KNG1: variants seen among roughly 807,000 people sequenced by gnomAD.
The protein encoded by KNG1 is kininogen 1.
A neutral mutation model predicts 47.8 loss-of-function variants in KNG1; 23 were observed. The ratio of observed to expected loss-of-function variants is 0.48; its 90% CI spans 0.35 to 0.68. KNG1 has a LOEUF of 0.68. Among genes scored for constraint, KNG1 ranks in the 30% least tolerant of loss-of-function variants. The pLI, the probability that KNG1 is intolerant of heterozygous loss-of-function variation, is 0.01. For missense variants in KNG1, 762 were observed against 790.2 expected (o/e 0.96, Z 0.43); for synonymous variants, 277 against 277.0 (o/e 1.00, Z 0.00).
chr3:186,741,373 CT>C (rs1720806110), intron 9 of KNG1, 148 bp from the exon 10 acceptor site: 2 of 655,382 alleles, frequency 3.1e-6, no homozygotes, highest in Non-Finnish European at 5.0e-6. Context: ...ATTATTCATC[CT>C]TTCTGGAATG....
chr3:186,731,139 T>C lies in KNG1; in HGVS notation c.673-406T>C, dbSNP rs5030103. Among the ~76,000 whole-genome samples, 1,273 of 152,336 alleles carry C rather than the reference T, an allele frequency of 8.4e-3. 10 individuals are homozygous for C. Among genetic ancestry groups the C allele is most frequent in the Middle Eastern group, 0.024 (7 of 294 alleles). On this transcript the variant is annotated intron_variant, in intron 5 of 9. Transcript: ENST00000644859. ...CTAATACTGTAGTTCCTGCTACGTTTATATTTGTCTCACGTAGCTTTGTTC... is the reference window on the plus strand; with the variant it reads ...CTAATACTGTAGTTCCTGCTACGTTCATATTTGTCTCACGTAGCTTTGTTC...
At position 186,722,430 on chromosome 3, in the gene KNG1, T is replaced by C; in HGVS notation, c.307-7T>C. On this transcript the variant is annotated splice_polypyrimidine_tract_variant and splice_region_variant and intron_variant, in intron 2 of 9. Transcript: ENST00000644859. Reference sequence around the variant, plus strand: ...TAAGATAAATGATCTCTTTCTTTTCTTTTTAGGCCACTGGAGAATGCACGG... The same window carrying C: ...TAAGATAAATGATCTCTTTCTTTTCCTTTTAGGCCACTGGAGAATGCACGG... The C allele has an allele frequency of 1.2e-6, 2 of 1,609,144 alleles. No homozygotes were observed. Among genetic ancestry groups the C allele is most frequent in the Non-Finnish European group, 1.7e-6 (2 of 1,175,612 alleles).
intron 4 of KNG1, among the ~76,000 whole-genome samples, chr3:186,725,896 AG>A (rs63499661): frequency 0.53 from 78,725 of 147,270 alleles, 21,225 homozygotes; most frequent in Middle Eastern, 0.62. Flanking sequence ...GTACCCACTA[AG>A]TTACAGTTCC....
chr3:186,732,762 G>A (rs985794528), intron 7 of KNG1, 88 bp downstream of exon 7: 16 of 1,030,328 alleles, frequency 1.6e-5, no homozygotes, highest in Non-Finnish European at 2.3e-5. Context: ...GCTCTGGATT[G>A]GGAAACCATA....
At chr3:186,718,717 T>C (rs1326452949) in intron 1 of KNG1, 2 of 152,014 alleles carry the variant, frequency 1.3e-5, no homozygotes, top group African/African-American at 2.4e-5. Flanking sequence ...AAACCTTTAA[T>C]GGGAGGGGGT....
intron 7 of KNG1, among the ~76,000 whole-genome samples, chr3:186,738,004 C>A (rs1231022612): frequency 6.6e-6 from 1 of 152,002 alleles, no homozygotes; most frequent in Admixed American, 6.6e-5. Context: ...GAGACAGAGT[C>A]TCACTCTGTC....
At position 186,742,644 on chromosome 3, in the gene KNG1, A is replaced by C. The variant is rs1297924598; in HGVS notation, c.*313A>C. The C allele has an allele frequency of 8.8e-7, 1 of 1,132,190 alleles. No homozygotes were observed. Among genetic ancestry groups the C allele is most frequent in the African/African-American group, 1.6e-5 (1 of 62,258 alleles). The allele number at this position is 1,132,190 out of a possible 1,614,324, so 70.1% of individuals were successfully genotyped here. A position where few individuals can be genotyped will look rare whatever the true frequency, so the allele number is the denominator to read the frequency against. ...CTCTGATAACAAATATGTACCTTAC[A>C]ACATATGTCATGAATTTGCATACAA... On this transcript the variant is annotated 3_prime_UTR_variant, in exon 10 of 10. Transcript: ENST00000644859.
Position 186,733,242 on chromosome 3 carries a change from C to CTAAA in KNG1, c.930+595_930+598dup, listed in dbSNP as rs10576660. ...GCCTGGCAACAGAGCGAGACTCTGT[C>CTAAA]TAAATAAATAAATAAATAAATAAAT... On this transcript the variant is annotated intron_variant, in intron 7 of 9. Coordinates refer to ENST00000644859, the MANE Select transcript of KNG1 (RefSeq NM_001102416.3). 9.4e-3 allele frequency among the ~76,000 whole-genome samples: 1,415 copies of CTAAA among 150,390 alleles called. 15 individuals are homozygous for CTAAA. The highest frequency in any genetic ancestry group is 0.021 in the South Asian group (98 of 4,746).
chr3:186,739,284 G>C (rs371267755), intron 8 of KNG1, 44 bp from the exon 9 acceptor site: 1 of 1,578,860 alleles, frequency 6.3e-7, no homozygotes, highest in Non-Finnish European at 8.7e-7. Flanking sequence ...TAAATGTCTC[G>C]TGAATAACAC....
chr3:186,727,045 T>TGTGA (rs1464985590), intron 4 of KNG1, among the ~76,000 whole-genome samples, 192 bp from the exon 5 acceptor site: 1 of 151,768 alleles, frequency 6.6e-6, no homozygotes, highest in Middle Eastern at 3.2e-3. Context: ...TGTGTGTTTG[T>TGTGA]GTGAGAGATA....
chr3:186,735,956 T>A (rs1720662198), intron 7 of KNG1: 1 of 152,216 alleles, frequency 6.6e-6, no homozygotes, highest in African/African-American at 2.4e-5. Flanking sequence ...TTATTCTTTA[T>A]TCTGAATGTT....
rs1184307497 is a variant in KNG1, at chr3:186,732,655, T to A, written c.911T>A (p.Val304Glu). 3.1e-6 allele frequency: 5 copies of A among 1,613,776 alleles called. No individual in the cohort carries two copies. The African/African-American group carries it at 5.3e-5, about 17-fold the overall frequency. ...NATFYFKIDN[V>E]KKARVQVVAG... ...ACTTTCTATTTCAAGATTGACAATG[T>A]GAAAAAAGCAAGAGTACAGGTGTGT... is the stretch of plus-strand genomic sequence containing the variant. The change falls in exon 7 of 10, where the codon GTG (valine) becomes GAG (glutamate). Residue 304 changes from valine (V) to glutamate (E), a missense_variant. Physicochemically the swap from Val to Glu is moderately radical, Grantham distance 121. Coordinates refer to ENST00000644859, the MANE Select transcript of KNG1 (RefSeq NM_001102416.3).
rs1187674589 is a variant in KNG1, at chr3:186,717,614, G to C, written c.72G>C (p.Glu24Asp). ...LLSLTQESQS[E>D]EIDCNDKDLF... ...GTTTAACCCAGGAATCACAGTCCGAGGAAATTGACTGCAATGACAAGGATT... is the reference window on the plus strand; with the variant it reads ...GTTTAACCCAGGAATCACAGTCCGACGAAATTGACTGCAATGACAAGGATT... Residue 24 changes from glutamate (E) to aspartate (D), a missense_variant, in exon 1 of 10, where the codon GAG becomes GAC. Glu to Asp is a conservative substitution (Grantham distance 45, BLOSUM62 2). Transcript: ENST00000644859. 1.2e-6 allele frequency: 2 copies of C among 1,612,928 alleles called. No individual in the cohort carries two copies.
At chr3:186,730,869 G>A (rs1413902322) in intron 5 of KNG1, among the ~76,000 whole-genome samples, 1 of 150,648 alleles carries the variant, frequency 6.6e-6, no homozygotes, top group Non-Finnish European at 1.5e-5. Context: ...TCTTTAATAT[G>A]TTATTCAAAT....
At chr3:186,724,034 A>T (rs1656915) in intron 3 of KNG1, among the ~76,000 whole-genome samples, 1 of 152,044 alleles carries the variant, frequency 6.6e-6, no homozygotes, top group Non-Finnish European at 1.5e-5. Flanking sequence ...ATACTGCTGC[A>T]ACAAACCTGG....
chr3:186,731,726 T>C (rs145102372), intron 6 of KNG1, 97 bp downstream of exon 6: 1 of 769,030 alleles, frequency 1.3e-6, no homozygotes, highest in African/African-American at 1.7e-5. Flanking sequence ...GTTCCCGTGA[T>C]ATACTCCAAA....
At chr3:186,720,539 G>A (rs5029982) in intron 2 of KNG1, 12 of 348,626 alleles carry the variant, frequency 3.4e-5, no homozygotes, top group Non-Finnish European at 6.0e-5. Flanking sequence ...GGAGGGGGTG[G>A]GTGCTTCCAT....
intron 2 of KNG1, 102 bp from the exon 3 acceptor site, chr3:186,722,335 G>A: frequency 1.1e-6 from 1 of 913,156 alleles, no homozygotes; most frequent in Non-Finnish European, 1.7e-6. Flanking sequence ...CACAAGTTTT[G>A]TTTTGTTTTG....
chr3:186,726,277 TTTTTTTTTTTTTTTTTTG>T (rs201676510), intron 4 of KNG1, among the ~76,000 whole-genome samples: 28,413 of 138,142 alleles, frequency 0.21, 2,915 homozygotes, highest in South Asian at 0.32. Flanking sequence ...TTTTCTTCTT[TTTTTTTTTTTTTTTTTTG>T]TTTTTTGAGG....
Sources: allele counts gnomAD v4.1 joint callset (sites outside exome capture counted in the v4.1 genomes callset), GRCh38; gene constraint gnomAD v4.1.1; transcripts MANE v1.5; gene names NCBI Gene and HGNC (gene_info 2026-07-23, HGNC 2026-07-21).